MORC3: variants seen among roughly 807,000 people sequenced by gnomAD.
The protein encoded by MORC3 is MORC family CW-type zinc finger protein 3.
MORC3 carries 31 observed loss-of-function variants against 109.1 expected under a neutral mutation model. That is an observed-to-expected ratio of 0.28 (90% confidence interval 0.21 to 0.38). MORC3 has a LOEUF of 0.38. MORC3 is among the 10% of genes least tolerant of loss of function. MORC3 has a pLI of 1.00. For missense variants in MORC3, 867 were observed against 1,135.8 expected, an observed-to-expected ratio of 0.76 and a Z score of 3.40; for synonymous variants, 395 against 380.7, an observed-to-expected ratio of 1.04 and a Z score of -0.44.
At chr21:36,368,542 T>C (rs1302696208) in intron 14 of MORC3, among the ~76,000 whole-genome samples, 1 of 152,196 alleles carries the variant, frequency 6.6e-6, no homozygotes, top group Non-Finnish European at 1.5e-5. Context: ...TACTATACAA[T>C]GCGTCACTTT....
chr21:36,367,784 C>T (rs182423701), intron 14 of MORC3, among the ~76,000 whole-genome samples: 31 of 152,098 alleles, frequency 2.0e-4, no homozygotes, highest in Non-Finnish European at 4.0e-4. Flanking sequence ...AGATTATGTA[C>T]GGGCAAGAGA....
At chr21:36,349,243 C>A in intron 8 of MORC3, 68 bp from the exon 9 acceptor site, 1 of 945,268 alleles carries the variant, frequency 1.1e-6, no homozygotes, top group Non-Finnish European at 1.6e-6. Context: ...AACTATAATT[C>A]TTTAAGGGTA....
chr21:36,324,928 T>C (rs567751216), intron 1 of MORC3, among the ~76,000 whole-genome samples: 3 of 151,764 alleles, frequency 2.0e-5, no homozygotes, highest in Admixed American at 6.6e-5. Context: ...TGGCTGATCT[T>C]GAACTCCTGA....
intron 9 of MORC3, among the ~76,000 whole-genome samples, chr21:36,352,340 G>C (rs1162522376): frequency 6.8e-6 from 1 of 147,436 alleles, no homozygotes; most frequent in Non-Finnish European, 1.5e-5. Context: ...AAGGATACCA[G>C]CCATTCACTA....
intron 1 of MORC3, among the ~76,000 whole-genome samples, chr21:36,328,384 C>T (rs1478864923): frequency 2.1e-5 from 3 of 145,152 alleles, no homozygotes; most frequent in Non-Finnish European, 4.5e-5. Flanking sequence ...TTCATGCTCC[C>T]TCTGTCGCCC....
chr21:36,369,673 AT>A lies in MORC3; in HGVS notation c.2306del (p.Met769ArgfsTer12). On this transcript the variant is annotated frameshift_variant, in exon 15 of 17. Transcript: ENST00000400485. LOFTEE classifies it high-confidence loss of function. ...INGKSESPDH[M>X]VSQYQQALEE... ...TGGCAAATCTGAAAGTCCAGACCATATGGTATCTCAGTATCAGCAAGCTTTG... is the reference window on the plus strand; with the variant it reads ...TGGCAAATCTGAAAGTCCAGACCATAGGTATCTCAGTATCAGCAAGCTTTG... 1 of 1,614,208 alleles carries A rather than the reference AT, an allele frequency of 6.2e-7. No individual in the cohort carries two copies.
Position 36,353,064 on chromosome 21 carries a change from T to C in MORC3, c.1104-3556T>C, listed in dbSNP as rs1222939956. ...AAAATAAGCTAATGAAAAAATGTTA[T>C]TAGAAAATCATAGGCCGGGCATGGT... On this transcript the variant is annotated intron_variant, in intron 9 of 16. Transcript: ENST00000400485. 3.9e-5 allele frequency among the ~76,000 whole-genome samples: 6 copies of C among 151,938 alleles called. No individual in the cohort carries two copies. The East Asian group carries it at 1.2e-3, about 29-fold the overall frequency.
At position 36,369,440 on chromosome 21, in the gene MORC3, A is replaced by G. The variant is rs1196113110; in HGVS notation, c.2072A>G (p.Asp691Gly). 12 of 1,614,120 alleles carry G rather than the reference A, an allele frequency of 7.4e-6. No homozygotes were observed. The highest frequency in any genetic ancestry group is 9.3e-6 in the Non-Finnish European group (11 of 1,180,064). Residue 691 changes from aspartate to glycine, a missense_variant, in exon 15 of 17, where the codon GAT becomes GGT. Coordinates refer to ENST00000400485, the MANE Select transcript of MORC3 (RefSeq NM_015358.3). ...GAAACCACCGATAAATCTGCAGATGATGCAGGCTGCCAATTACAAGAACTG... is the reference window on the plus strand; with the variant it reads ...GAAACCACCGATAAATCTGCAGATGGTGCAGGCTGCCAATTACAAGAACTG... ...TQETTDKSAD[D>G]AGCQLQELRN...
intron 4 of MORC3, among the ~76,000 whole-genome samples, 200 bp downstream of exon 4, chr21:36,338,146 A>G (rs1236229435): frequency 6.6e-6 from 1 of 152,166 alleles, no homozygotes; most frequent in Non-Finnish European, 1.5e-5. Flanking sequence ...TGCTATGGAA[A>G]TACTCAACAT....
In MORC3 at chr21:36,358,030, C is replaced by T. The variant is rs1330827903; in HGVS notation, c.1208+1306C>T. ...TGCTGGGATTACAGGCGTGAGCCAC[C>T]GCGCTCATCCTGTTTTGAAGTTGTT... On this transcript the variant is annotated intron_variant, in intron 10 of 16. Transcript: ENST00000400485. 5.3e-5 allele frequency among the ~76,000 whole-genome samples: 8 copies of T among 151,930 alleles called. No individual in the cohort carries two copies. The East Asian group carries it at 7.8e-4, about 15-fold the overall frequency.
intron 14 of MORC3, among the ~76,000 whole-genome samples, chr21:36,366,638 A>G (rs1601539939): frequency 6.6e-6 from 1 of 152,216 alleles, no homozygotes; most frequent in African/African-American, 2.4e-5. Context: ...GTGTTGTAGT[A>G]TAGATGGGGG....
intron 2 of MORC3, 22 bp from the exon 3 acceptor site, chr21:36,336,852 T>G: frequency 6.3e-7 from 1 of 1,582,972 alleles, no homozygotes; most frequent in Non-Finnish European, 8.6e-7. Context: ...AATCAGAATT[T>G]CTTCAAACTT....
chr21:36,333,851 C>T (rs1033931770), intron 2 of MORC3, 133 bp downstream of exon 2: 8 of 687,492 alleles, frequency 1.2e-5, no homozygotes, highest in South Asian at 1.9e-5. Flanking sequence ...GGCGCAGTCT[C>T]GGCTCACTGC....
intron 6 of MORC3, 129 bp from the exon 7 acceptor site, chr21:36,344,450 T>C: frequency 9.1e-7 from 1 of 1,094,610 alleles, no homozygotes; most frequent in Non-Finnish European, 1.3e-6. Flanking sequence ...CATACAGCTT[T>C]ATAGCCTATT....
intron 1 of MORC3, among the ~76,000 whole-genome samples, chr21:36,331,690 A>G (rs780893739): frequency 2.0e-5 from 3 of 152,330 alleles, no homozygotes; most frequent in East Asian, 3.9e-4. Context: ...AGAGTTCCCA[A>G]TAGCATGAGG....
chr21:36,322,372 T>A (rs954742311), intron 1 of MORC3, among the ~76,000 whole-genome samples: 6 of 152,128 alleles, frequency 3.9e-5, no homozygotes, highest in Non-Finnish European at 7.3e-5. Context: ...TACACTTTTT[T>A]ATTTTATTTT....
At chr21:36,320,644 G>A (rs1024409099) in intron 1 of MORC3, 2 of 259,264 alleles carry the variant, frequency 7.7e-6, no homozygotes, top group Middle Eastern at 1.1e-3. Flanking sequence ...CGGGGCCCCT[G>A]ACCCTCTTCT....
Position 36,338,776 on chromosome 21 carries a change from CAG to C in MORC3, c.465_466del (p.Gln155HisfsTer3). 1 of 1,611,954 alleles carries C rather than the reference CAG, an allele frequency of 6.2e-7. No individual in the cohort carries two copies. The highest frequency in any genetic ancestry group is 8.5e-7 in the Non-Finnish European group (1 of 1,178,498). On this transcript the variant is annotated frameshift_variant, in exon 5 of 17. Transcript: ENST00000400485. LOFTEE classifies it high-confidence loss of function. ...VPIVAFNKHR[Q>X]MINLAESKAS... ...TGAGTCTTTAACTTATGATATACGA[CAG>C]ATGATTAATTTAGCAGAATCAAAAG...
intron 4 of MORC3, among the ~76,000 whole-genome samples, chr21:36,338,255 A>G (rs1569093142): frequency 6.6e-6 from 1 of 152,258 alleles, no homozygotes; most frequent in African/African-American, 2.4e-5. Context: ...AGTGACCACA[A>G]AAGGCAGGAT....
Sources: allele counts gnomAD v4.1 joint callset (sites outside exome capture counted in the v4.1 genomes callset), GRCh38; gene constraint gnomAD v4.1.1; transcripts MANE v1.5; gene names NCBI Gene and HGNC (gene_info 2026-07-23, HGNC 2026-07-21).